Variants in KCNQ5 observed in about 807,000 individuals in gnomAD.
KCNQ5 encodes the protein potassium voltage-gated channel subfamily KQT member 5.
Under a neutral mutation model 98.2 loss-of-function variants are expected in KCNQ5, and 30 were observed. The observed-to-expected ratio is 0.31, with a 90% CI of 0.23 to 0.41. The LOEUF (loss-of-function observed/expected upper bound fraction) is 0.41. Ranked by LOEUF, KCNQ5 falls within the 10% of genes least tolerant of loss-of-function variation. The pLI is 1.00. For missense variants in KCNQ5, 835 were observed against 1,182.5 expected, an observed-to-expected ratio of 0.71 and a Z score of 4.31; for synonymous variants, 458 against 449.4, an observed-to-expected ratio of 1.02 and a Z score of -0.24.
chr6:72,715,405 T>C (rs1769597968), intron 1 of KCNQ5, among the ~76,000 whole-genome samples: 1 of 152,236 alleles, frequency 6.6e-6, no homozygotes, highest in Non-Finnish European at 1.5e-5. Context: ...CTTTGGCTGC[T>C]AGGCACAGTT....
intron 1 of KCNQ5, among the ~76,000 whole-genome samples, chr6:72,864,645 A>T (rs1777905311): frequency 6.6e-6 from 1 of 152,184 alleles, no homozygotes; most frequent in African/African-American, 2.4e-5. Flanking sequence ...GTTTCTCTCA[A>T]TAATAACATC....
rs537870949 is a variant in KCNQ5, at chr6:73,128,936, A to G, written c.1247+4424A>G. On this transcript the variant is annotated intron_variant, in intron 9 of 13. Coordinates refer to ENST00000370398, the MANE Select transcript of KCNQ5 (RefSeq NM_019842.4). ...CTTTTGGGGGAAGGGGGAGTTCTGAAGCTGTGTGTGGCTCTTGGAGAGAAC... is the reference window on the plus strand; with the variant it reads ...CTTTTGGGGGAAGGGGGAGTTCTGAGGCTGTGTGTGGCTCTTGGAGAGAAC... Among the ~76,000 whole-genome samples the G allele has an allele frequency of 2.0e-5, 3 of 152,256 alleles. No homozygotes were observed. In the East Asian group the frequency reaches 5.8e-4, roughly 29 times the overall value.
chr6:73,143,626 C>T (rs1383904397), intron 10 of KCNQ5: 1 of 152,134 alleles, frequency 6.6e-6, no homozygotes, highest in Non-Finnish European at 1.5e-5. Context: ...TTGAATAAGC[C>T]CTCCACTGGA....
chr6:72,923,078 C>G (rs1336232548), intron 1 of KCNQ5, among the ~76,000 whole-genome samples: 3 of 152,066 alleles, frequency 2.0e-5, no homozygotes, highest in African/African-American at 7.3e-5. Context: ...TCCCAAAGTG[C>G]TGGGATTACA....
chr6:72,798,163 A>G (rs1178533410), intron 1 of KCNQ5, among the ~76,000 whole-genome samples: 1 of 152,218 alleles, frequency 6.6e-6, no homozygotes, highest in Non-Finnish European at 1.5e-5. Flanking sequence ...AGAGATTAAT[A>G]TACTTCATAT....
intron 3 of KCNQ5, among the ~76,000 whole-genome samples, chr6:73,052,697 T>C (rs1280749863): frequency 2.0e-5 from 3 of 152,184 alleles, no homozygotes; most frequent in Non-Finnish European, 4.4e-5. Context: ...GCTAAGGGAA[T>C]TCATTACCAT....
intron 1 of KCNQ5, among the ~76,000 whole-genome samples, chr6:72,806,265 C>A (rs928741541): frequency 5.3e-5 from 8 of 151,912 alleles, no homozygotes; most frequent in African/African-American, 1.9e-4. Flanking sequence ...AGGCATCATT[C>A]CAGACAATAT....
intron 1 of KCNQ5, among the ~76,000 whole-genome samples, chr6:72,875,202 C>T (rs941337190): frequency 6.6e-6 from 1 of 152,194 alleles, no homozygotes; most frequent in African/African-American, 2.4e-5. Flanking sequence ...TCACAGTGAA[C>T]TCAGCCACAG....
intron 5 of KCNQ5, among the ~76,000 whole-genome samples, chr6:73,084,810 C>G (rs967973480): frequency 1.3e-5 from 2 of 152,168 alleles, no homozygotes; most frequent in African/African-American, 4.8e-5. Flanking sequence ...TTCTCCGACC[C>G]TGAACCTAAA....
At chr6:72,899,225 A>G (rs1220525958) in intron 1 of KCNQ5, among the ~76,000 whole-genome samples, 2 of 152,180 alleles carry the variant, frequency 1.3e-5, no homozygotes, top group East Asian at 3.8e-4. Context: ...ATTTTAACAA[A>G]AAGATTTTCT....
chr6:73,101,562 G>C (rs1774774959), intron 5 of KCNQ5, among the ~76,000 whole-genome samples: 1 of 152,058 alleles, frequency 6.6e-6, no homozygotes, highest in African/African-American at 2.4e-5. Flanking sequence ...TCAAGTTGCA[G>C]AATACAAAAT....
intron 1 of KCNQ5, among the ~76,000 whole-genome samples, chr6:72,955,793 G>A (rs1767013365): frequency 6.6e-6 from 1 of 152,132 alleles, no homozygotes; most frequent in Non-Finnish European, 1.5e-5. Flanking sequence ...AATAATTCTT[G>A]CCTGTAGTCC....
intron 10 of KCNQ5, chr6:73,157,989 C>A: frequency 1.3e-6 from 1 of 749,536 alleles, no homozygotes; most frequent in Non-Finnish European, 2.5e-6. Context: ...CTTGAACGGC[C>A]GGAAGATCAA....
chr6:73,169,881 T>C lies in KCNQ5; in HGVS notation c.1577+27T>C, dbSNP rs1319012492. On this transcript the variant is annotated intron_variant, in intron 11 of 13. Coordinates refer to ENST00000370398, the MANE Select transcript of KCNQ5 (RefSeq NM_019842.4). ...TTGGTGAAAATCTTGAACAACGTGA[T>C]TCAGAGACATACTTATGATTAATTG... 2.2e-6 allele frequency: 3 copies of C among 1,348,338 alleles called. No individual in the cohort carries two copies. In the East Asian group the frequency reaches 6.9e-5, roughly 31 times the overall value. 83.5% of individuals were successfully genotyped at this position (1,348,338 alleles called of 1,614,324 possible). A position where few individuals can be genotyped will look rare whatever the true frequency, so the allele number is the denominator to read the frequency against.
At chr6:72,767,348 C>G (rs1013096486) in intron 1 of KCNQ5, among the ~76,000 whole-genome samples, 1 of 151,856 alleles carries the variant, frequency 6.6e-6, no homozygotes, top group Non-Finnish European at 1.5e-5. Flanking sequence ...CAAAATGGAT[C>G]AAGACCTAAA....
chr6:73,194,683 T>C lies in KCNQ5; in HGVS notation c.2068T>C (p.Phe690Leu). Residue 690 changes from phenylalanine to leucine, a missense_variant, in exon 14 of 14, where the codon TTC becomes CTC. Transcript: ENST00000370398. ...TGCCAACATCTCGAGAGGCCTGCAG[T>C]TCATTCTGACGCCAAATGAGTTCAG... ...TSANISRGLQ[F>L]ILTPNEFSAQ... is the part of the protein sequence containing the mutation. The C allele has an allele frequency of 6.2e-7, 1 of 1,614,252 alleles. No individual in the cohort carries two copies. The highest frequency in any genetic ancestry group is 2.2e-5 in the East Asian group (1 of 44,888).
intron 10 of KCNQ5, chr6:73,136,494 A>T (rs1323415658): frequency 6.6e-6 from 1 of 152,228 alleles, no homozygotes; most frequent in Admixed American, 6.5e-5. Flanking sequence ...TTTCTAGGTC[A>T]TTTCATACGA....
intron 1 of KCNQ5, among the ~76,000 whole-genome samples, chr6:72,671,965 C>G (rs1452694704): frequency 6.6e-6 from 1 of 151,698 alleles, no homozygotes; most frequent in South Asian, 2.1e-4. Flanking sequence ...TACAGGCACC[C>G]GCCACCACGC....
At chr6:73,123,656 T>C (rs942289648) in intron 8 of KCNQ5, among the ~76,000 whole-genome samples, 1 of 152,214 alleles carries the variant, frequency 6.6e-6, no homozygotes, top group African/African-American at 2.4e-5. Flanking sequence ...CTTGATTTTC[T>C]CCTCAAAGAG....
Sources: allele counts gnomAD v4.1 joint callset (sites outside exome capture counted in the v4.1 genomes callset), GRCh38; gene constraint gnomAD v4.1.1; transcripts MANE v1.5; gene names NCBI Gene and HGNC (gene_info 2026-07-23, HGNC 2026-07-21).